COL5A2: variants seen among roughly 807,000 people sequenced by gnomAD.
COL5A2 encodes collagen type V alpha 2 chain, also known as collagen alpha-2(V) chain.
A neutral mutation model predicts 208.2 loss-of-function variants in COL5A2; 23 were observed. That is an observed-to-expected ratio of 0.11 (90% CI 0.08 to 0.16). The LOEUF (loss-of-function observed/expected upper bound fraction) is 0.16, where lower values mean the gene tolerates loss of function less well. COL5A2 is among the 10% of genes least tolerant of loss of function. The pLI is 1.00. For synonymous variants in COL5A2, 625 were observed against 628.5 expected (o/e 0.99, Z 0.08); for missense variants, 1,590 against 1,956.4 (o/e 0.81, Z 3.53).
chr2:189,315,000 G>A, the COL5A2 span, among the ~76,000 whole-genome samples: 1 of 152,104 alleles, frequency 6.6e-6, no homozygotes, highest in Non-Finnish European at 1.5e-5. Flanking sequence ...TCTTCCAAAT[G>A]TACAAAGAAG....
the COL5A2 span, among the ~76,000 whole-genome samples, chr2:189,397,949 G>A: frequency 2.6e-5 from 4 of 151,712 alleles, no homozygotes; most frequent in Non-Finnish European, 5.9e-5. Context: ...TCTAAACAGG[G>A]CTTTATATGC....
intron 44 of COL5A2, 102 bp downstream of exon 44, chr2:189,049,245 G>C: frequency 1.2e-6 from 1 of 825,986 alleles, no homozygotes; most frequent in Non-Finnish European, 2.0e-6. Flanking sequence ...ACTTTCTTAA[G>C]GTCAAATATG....
the COL5A2 span, among the ~76,000 whole-genome samples, chr2:189,241,112 T>A: frequency 1.3e-5 from 2 of 152,226 alleles, no homozygotes; most frequent in Admixed American, 6.5e-5. Flanking sequence ...GTGCCCTGTT[T>A]TATTTCACAT....
chr2:189,205,875 T>C (rs1284252816), intron 1 of COL5A2, among the ~76,000 whole-genome samples: 1 of 152,186 alleles, frequency 6.6e-6, no homozygotes, highest in Non-Finnish European at 1.5e-5. Context: ...GAAAAATTGG[T>C]GGAAGTTTTA....
At chr2:189,330,601 T>G in the COL5A2 span, among the ~76,000 whole-genome samples, 1 of 152,160 alleles carries the variant, frequency 6.6e-6, no homozygotes, top group Non-Finnish European at 1.5e-5. Flanking sequence ...TCTCTGTCCG[T>G]TGAGAAATCT....
At chr2:189,051,262 G>A in intron 42 of COL5A2, 58 bp downstream of exon 42, 1 of 1,607,256 alleles carries the variant, frequency 6.2e-7, no homozygotes, top group Admixed American at 1.7e-5. Context: ...ATCATTATGG[G>A]TTTCTATTTG....
At chr2:189,255,145 G>T in the COL5A2 span, among the ~76,000 whole-genome samples, 1 of 152,114 alleles carries the variant, frequency 6.6e-6, no homozygotes, top group African/African-American at 2.4e-5. Context: ...AAAGACTTTT[G>T]GTTGATAGGA....
In COL5A2 at chr2:189,033,964, AGCCATT is replaced by A; in HGVS notation, c.*100_*105del. The A allele has an allele frequency of 7.0e-7, 1 of 1,433,434 alleles. No individual in the cohort carries two copies. Among genetic ancestry groups the A allele is most frequent in the South Asian group, 1.1e-5 (1 of 87,016 alleles). 88.8% of individuals were successfully genotyped at this position (1,433,434 alleles called of 1,614,324 possible). On this transcript the variant is annotated 3_prime_UTR_variant, in exon 54 of 54. Coordinates refer to ENST00000374866, the MANE Select transcript of COL5A2 (RefSeq NM_000393.5). ...ATATATACAATGCTGATGCAGGATC[AGCCATT>A]ACTTCAAGAGTCTCAGGATCAACTT... is the stretch of plus-strand genomic sequence containing the variant.
intron 1 of COL5A2, among the ~76,000 whole-genome samples, chr2:189,194,725 G>C (rs1371821943): frequency 1.3e-5 from 2 of 152,154 alleles, no homozygotes; most frequent in African/African-American, 4.8e-5. Flanking sequence ...TATGACATTG[G>C]CTGTGGGTCT....
chr2:189,048,231 C>T lies in COL5A2; in HGVS notation c.3179G>A (p.Arg1060Gln), dbSNP rs761042179. The change falls in exon 45 of 54, where the codon CGG becomes CAG. Residue 1060 changes from arginine (R) to glutamine (Q), a missense_variant. Physicochemically the swap from Arg to Gln is conservative, Grantham distance 43. Coordinates refer to ENST00000374866, the MANE Select transcript of COL5A2 (RefSeq NM_000393.5). ...GPAGNDGTPG[R>Q]DGAVGERGDR... ...TACACGTTCTCCAACAGCACCATCC[C>T]GTCCTGGGGTACCATCATTGCCAGC... The T allele has an allele frequency of 1.3e-5, 21 of 1,613,914 alleles. No individual in the cohort carries two copies. The highest frequency in any genetic ancestry group is 2.2e-5 in the South Asian group (2 of 91,076).
At chr2:189,188,980 G>A (rs770760596) in intron 1 of COL5A2, among the ~76,000 whole-genome samples, 21 of 152,280 alleles carry the variant, frequency 1.4e-4, no homozygotes, top group Middle Eastern at 6.8e-3. Context: ...CACCTTCAGT[G>A]AAATTAATTC....
At chr2:189,315,959 A>C in the COL5A2 span, among the ~76,000 whole-genome samples, 1 of 152,208 alleles carries the variant, frequency 6.6e-6, no homozygotes, top group Non-Finnish European at 1.5e-5. Context: ...AGTCAAAAAT[A>C]ATAGATGCTG....
intron 1 of COL5A2, among the ~76,000 whole-genome samples, chr2:189,198,486 T>G (rs1043009577): frequency 2.0e-5 from 3 of 152,182 alleles, no homozygotes. Context: ...GGTACCACTT[T>G]TTGAAGAAAT....
the COL5A2 span, among the ~76,000 whole-genome samples, chr2:189,432,053 A>G: frequency 7.9e-5 from 12 of 152,302 alleles, no homozygotes; most frequent in African/African-American, 2.9e-4. Flanking sequence ...CAACATTCTT[A>G]AAGAGAAGAA....
intron 12 of COL5A2, among the ~76,000 whole-genome samples, chr2:189,082,733 G>A (rs1176044640): frequency 6.6e-6 from 1 of 152,198 alleles, no homozygotes; most frequent in East Asian, 1.9e-4. Flanking sequence ...CTTGCACAGT[G>A]CATCTGTGGT....
At chr2:189,407,912 T>C in the COL5A2 span, among the ~76,000 whole-genome samples, 2,970 of 152,276 alleles carry the variant, frequency 0.02, 96 homozygotes, top group African/African-American at 0.068. Context: ...TAAGGCTGCC[T>C]TTCCAGTAAC....
At chr2:189,363,524 T>C in the COL5A2 span, among the ~76,000 whole-genome samples, 2 of 152,162 alleles carry the variant, frequency 1.3e-5, no homozygotes, top group African/African-American at 2.4e-5. Context: ...GATTATGATA[T>C]ATTCTTATTC....
At chr2:189,109,552 C>T (rs1304311975) in intron 2 of COL5A2, among the ~76,000 whole-genome samples, 2 of 152,082 alleles carry the variant, frequency 1.3e-5, no homozygotes, top group East Asian at 1.9e-4. Context: ...TTTAATATTG[C>T]TCTTACCTTG....
At chr2:189,094,298 TA>T (rs1245411419) in intron 6 of COL5A2, among the ~76,000 whole-genome samples, 1 of 152,150 alleles carries the variant, frequency 6.6e-6, no homozygotes, top group Non-Finnish European at 1.5e-5. Context: ...TGTTTACCGG[TA>T]AATATCAAAA....
Sources: gnomAD v4.1 joint callset for allele counts (sites outside exome capture counted in the v4.1 genomes callset) on GRCh38, gnomAD v4.1.1 for gene constraint, MANE v1.5 for transcripts, NCBI Gene and HGNC (gene_info 2026-07-23, HGNC 2026-07-21) for gene names.